Variants in ATP6V1E1 observed in about 807,000 individuals in gnomAD.
The protein encoded by ATP6V1E1 is ATPase H+ transporting V1 subunit E1.
In ATP6V1E1, 21 loss-of-function variants were observed where a neutral mutation model predicts 35.2. The observed-to-expected ratio is 0.60, with a 90% CI of 0.42 to 0.86. The LOEUF is 0.86. Among genes scored for constraint, ATP6V1E1 ranks in the 40% least tolerant of loss-of-function variants. ATP6V1E1 has a pLI of 0.00. For synonymous variants in ATP6V1E1, 83 were observed against 87.8 expected (o/e 0.95, Z 0.30); for missense variants, 183 against 272.6 (o/e 0.67, Z 2.32).
At position 17,594,513 on chromosome 22, in the gene ATP6V1E1, G is replaced by A. The variant is rs372524876; in HGVS notation, c.618+16C>T. The A allele has an allele frequency of 2.6e-5, 40 of 1,532,542 alleles. No individual in the cohort carries two copies. The highest frequency in any genetic ancestry group is 6.6e-5 in the Admixed American group (3 of 45,764). The allele number at this position is 1,532,542 out of a possible 1,614,324, so 94.9% of individuals were successfully genotyped here. ...GTAACAGCAGACCAACTACCAAGAA[G>A]TACCCCCACACTCACCTGCTGGGCT... On this transcript the variant is annotated intron_variant, in intron 8 of 8. Transcript: ENST00000253413.
At chr22:17,603,364 T>TA (rs61291114) in intron 4 of ATP6V1E1, among the ~76,000 whole-genome samples, 17,795 of 146,136 alleles carry the variant, frequency 0.12, 1,074 homozygotes, top group African/African-American at 0.14. Flanking sequence ...TCTGTAAAAT[T>TA]AAAAAAAAAA....
At chr22:17,626,499 C>G (rs2057906504) in intron 1 of ATP6V1E1, among the ~76,000 whole-genome samples, 1 of 151,970 alleles carries the variant, frequency 6.6e-6, no homozygotes, top group East Asian at 1.9e-4. Flanking sequence ...ATCAGCCTCC[C>G]TAAGTAGCTA....
chr22:17,598,474 G>A (rs1334517232), intron 6 of ATP6V1E1, among the ~76,000 whole-genome samples, 186 bp from the exon 7 acceptor site: 1 of 152,208 alleles, frequency 6.6e-6, no homozygotes, highest in Admixed American at 6.6e-5. Flanking sequence ...CAGGAGGGAA[G>A]AGATGCGAAT....
At chr22:17,617,764 GT>G (rs2057854198) in intron 2 of ATP6V1E1, among the ~76,000 whole-genome samples, 1 of 152,110 alleles carries the variant, frequency 6.6e-6, no homozygotes, top group South Asian at 2.1e-4. Flanking sequence ...TTTGTAATGG[GT>G]GGGGTTTTCA....
chr22:17,611,935 A>T (rs1363686593), intron 4 of ATP6V1E1, among the ~76,000 whole-genome samples: 2 of 152,174 alleles, frequency 1.3e-5, no homozygotes, highest in African/African-American at 2.4e-5. Context: ...TTCATATAGG[A>T]CTTACTCCTA....
chr22:17,592,407 C>T lies in ATP6V1E1; in HGVS notation c.*267G>A, dbSNP rs114091032. On this transcript the variant is annotated 3_prime_UTR_variant, in exon 9 of 9. Transcript: ENST00000253413. ...CCCAGGAAGCCCATGCAACCACCAT[C>T]TGCCCCCTCCCCTAGTGCTGCAGAA... 8.7e-4 allele frequency: 402 copies of T among 463,612 alleles called. 1 individual carries two copies. Among genetic ancestry groups the T allele is most frequent in the African/African-American group, 7.2e-3 (367 of 50,678 alleles). 28.7% of individuals were successfully genotyped at this position (463,612 alleles called of 1,614,324 possible).
intron 1 of ATP6V1E1, 116 bp from the exon 2 acceptor site, chr22:17,619,642 C>G: frequency 1.2e-6 from 1 of 848,818 alleles, no homozygotes; most frequent in Non-Finnish European, 1.8e-6. Context: ...TCCTACCACT[C>G]TGGGGGGCCA....
At chr22:17,614,210 C>T (rs5746444) in intron 2 of ATP6V1E1, among the ~76,000 whole-genome samples, 18,821 of 151,812 alleles carry the variant, frequency 0.12, 1,602 homozygotes, top group Non-Finnish European at 0.18. Flanking sequence ...ACTGGCCAGG[C>T]GTGGCGGCGC....
chr22:17,598,098 G>T, intron 7 of ATP6V1E1, 96 bp downstream of exon 7: 1 of 949,190 alleles, frequency 1.1e-6, no homozygotes, highest in Non-Finnish European at 1.7e-6. Flanking sequence ...CTAAGAGTGC[G>T]TTTAAATGGT....
rs2057824102 is a variant in ATP6V1E1 at position 17,613,201 on chromosome 22, A to T, written c.209+10T>A. ...TTCTTAGCTTAATACTGCAACCAGG[A>T]TCTACTTACATTTTCTTCTGCTGCT... On this transcript the variant is annotated intron_variant, in intron 3 of 8. Transcript: ENST00000253413. The T allele has an allele frequency of 1.1e-5, 18 of 1,605,428 alleles. No homozygotes were observed. The highest frequency in any genetic ancestry group is 1.4e-5 in the Non-Finnish European group (17 of 1,174,724).
At chr22:17,602,532 A>T (rs1415272323) in intron 4 of ATP6V1E1, among the ~76,000 whole-genome samples, 1 of 151,854 alleles carries the variant, frequency 6.6e-6, no homozygotes, top group Non-Finnish European at 1.5e-5. Flanking sequence ...ACGCCACCAC[A>T]CCCAGTTAAT....
At chr22:17,598,404 G>GGC in intron 6 of ATP6V1E1, 116 bp from the exon 7 acceptor site, 1 of 801,980 alleles carries the variant, frequency 1.2e-6, no homozygotes, top group South Asian at 1.6e-5. Flanking sequence ...AAAGAACAGA[G>GGC]GCACCGCTGG....
At chr22:17,621,933 T>G (rs1007580569) in intron 1 of ATP6V1E1, among the ~76,000 whole-genome samples, 6 of 152,342 alleles carry the variant, frequency 3.9e-5, no homozygotes, top group African/African-American at 1.4e-4. Flanking sequence ...TAAAGGTTCC[T>G]AGATCACCGG....
At chr22:17,621,365 A>G (rs532478937) in intron 1 of ATP6V1E1, among the ~76,000 whole-genome samples, 4 of 152,256 alleles carry the variant, frequency 2.6e-5, no homozygotes, top group South Asian at 4.2e-4. Flanking sequence ...GCTAGAGTGC[A>G]ATGGCACAAT....
chr22:17,600,894 A>G, intron 5 of ATP6V1E1, 198 bp downstream of exon 5: 1 of 396,346 alleles, frequency 2.5e-6, no homozygotes, highest in Middle Eastern at 7.0e-4. Flanking sequence ...AAGCAGACAG[A>G]TTTACTATTT....
At chr22:17,617,079 C>G (rs1286908072) in intron 2 of ATP6V1E1, among the ~76,000 whole-genome samples, 1 of 151,176 alleles carries the variant, frequency 6.6e-6, no homozygotes, top group Non-Finnish European at 1.5e-5. Flanking sequence ...ATACAAGAAA[C>G]TATCACCATC....
At position 17,616,870 on chromosome 22, in the gene ATP6V1E1, A is replaced by G. The variant is rs2057848496; in HGVS notation, c.99+2591T>C. On this transcript the variant is annotated intron_variant, in intron 2 of 8. Transcript: ENST00000253413. ...GAGACCATCCCGGCTAAAACGGTGAAACCCCGTCTCTACTAAAAATACAAA... is the reference window on the plus strand; with the variant it reads ...GAGACCATCCCGGCTAAAACGGTGAGACCCCGTCTCTACTAAAAATACAAA... Among the ~76,000 whole-genome samples the G allele has an allele frequency of 1.7e-5, 2 of 119,508 alleles. 1 individual carries two copies. The highest frequency in any genetic ancestry group is 3.6e-5 in the Non-Finnish European group (2 of 55,720). The allele number at this position is 119,508 out of a possible 152,430, so 78.4% of individuals were successfully genotyped here.
At chr22:17,610,074 G>A (rs1399984077) in intron 4 of ATP6V1E1, among the ~76,000 whole-genome samples, 1 of 151,964 alleles carries the variant, frequency 6.6e-6, no homozygotes, top group Non-Finnish European at 1.5e-5. Context: ...TGTGAGCTAT[G>A]ACTGCACCAT....
chr22:17,614,650 C>G (rs1208006832), intron 2 of ATP6V1E1, among the ~76,000 whole-genome samples: 1 of 143,610 alleles, frequency 7.0e-6, no homozygotes, highest in Non-Finnish European at 1.5e-5. Flanking sequence ...CCAGCCTGGG[C>G]AACAAAAGCG....
Sources: gnomAD v4.1 joint callset for allele counts (sites outside exome capture counted in the v4.1 genomes callset) on GRCh38, gnomAD v4.1.1 for gene constraint, MANE v1.5 for transcripts, NCBI Gene and HGNC (gene_info 2026-07-23, HGNC 2026-07-21) for gene names.